API5: variants seen among roughly 807,000 people sequenced by gnomAD.
The protein encoded by API5 is apoptosis inhibitor 5, also known as FIF.
API5 carries 6 observed loss-of-function variants against 71.9 expected under a neutral mutation model. The ratio of observed to expected loss-of-function variants is 0.08; its 90% CI spans 0.05 to 0.16. The LOEUF (loss-of-function observed/expected upper bound fraction) is 0.16, where lower values mean the gene tolerates loss of function less well. Ranked by LOEUF, API5 falls within the 10% of genes least tolerant of loss-of-function variation. API5 has a pLI of 1.00. For synonymous variants in API5, 189 were observed against 221.3 expected, an observed-to-expected ratio of 0.85 and a Z score of 1.30; for missense variants, 332 against 612.8, an observed-to-expected ratio of 0.54 and a Z score of 4.84.
At position 43,327,849 on chromosome 11, in the gene API5, A is replaced by T. The variant is rs1361519564; in HGVS notation, c.916A>T (p.Asn306Tyr). ...TGGTGACATGGAAAAACTAGAAACA[A>T]ATTTAAGGAAACTATTTGATAAGTT... ...FCGDMEKLET[N>Y]LRKLFDKLLE... The change falls in exon 8 of 14, where the codon AAT becomes TAT. Residue 306 changes from asparagine to tyrosine, a missense_variant. By Grantham distance (143) the Asn-to-Tyr change is moderately radical. Coordinates refer to ENST00000531273, the MANE Select transcript of API5 (RefSeq NM_001142930.2). 2 of 1,612,550 alleles carry T rather than the reference A, an allele frequency of 1.2e-6. No individual in the cohort carries two copies. Among genetic ancestry groups the T allele is most frequent in the African/African-American group, 1.3e-5 (1 of 74,870 alleles).
At chr11:43,317,319 T>TA (rs1376332616) in intron 1 of API5, among the ~76,000 whole-genome samples, 1 of 152,202 alleles carries the variant, frequency 6.6e-6, no homozygotes, top group African/African-American at 2.4e-5. Flanking sequence ...GGCAAGTACT[T>TA]AAGGAGGATT....
chr11:43,324,831 C>T (rs890151205), intron 6 of API5, among the ~76,000 whole-genome samples: 3 of 152,132 alleles, frequency 2.0e-5, no homozygotes, highest in African/African-American at 7.2e-5. Context: ...GCAAGCACCA[C>T]CACACCCAGC....
At chr11:43,323,390 A>T (rs773574203) in intron 5 of API5, 40 bp from the exon 6 acceptor site, 67 of 1,528,542 alleles carry the variant, frequency 4.4e-5, no homozygotes, top group Non-Finnish European at 5.8e-5. Flanking sequence ...TCCCATTCAA[A>T]TGATGAACAT....
At chr11:43,313,186 C>A (rs544756116) in intron 1 of API5, among the ~76,000 whole-genome samples, 1 of 151,566 alleles carries the variant, frequency 6.6e-6, no homozygotes, top group Non-Finnish European at 1.5e-5. Context: ...CAGGGCTGGG[C>A]GAAGGAGAGT....
Position 43,323,580 on chromosome 11 carries a change from C to G in API5, c.694C>G (p.Pro232Ala). The G allele has an allele frequency of 6.2e-7, 1 of 1,614,112 alleles. No homozygotes were observed. The highest frequency in any genetic ancestry group is 8.5e-7 in the Non-Finnish European group (1 of 1,179,962). The change falls in exon 6 of 14, where the codon CCT (proline) becomes GCT (alanine). Residue 232 changes from proline to alanine, a missense_variant. Around this residue, in one of 3 missense-constraint regions of API5, gnomAD observed 37 missense variants for 31.3 expected, o/e 1.18. Transcript: ENST00000531273. ...AGAACAGACCTTCAATCCCTCGGAT[C>G]CTGACTGTGTGGACAGGCTCTTACA... Reference protein sequence around the residue: ...DLEQTFNPSDPDCVDRLLQCT... With the variant: ...DLEQTFNPSDADCVDRLLQCT...
chr11:43,322,254 A>G (rs1315389817), intron 5 of API5, 118 bp downstream of exon 5: 4 of 960,034 alleles, frequency 4.2e-6, no homozygotes, highest in Non-Finnish European at 5.8e-6. Flanking sequence ...CATATATCCC[A>G]TTGGAACCAC....
chr11:43,332,079 T>C (rs1855276601), intron 11 of API5: 1 of 152,198 alleles, frequency 6.6e-6, no homozygotes, highest in African/African-American at 2.4e-5. Context: ...CAAGAATCTG[T>C]AAGTTATCTA....
At chr11:43,325,336 GAA>G (rs1855035013) in intron 6 of API5, among the ~76,000 whole-genome samples, 1 of 152,140 alleles carries the variant, frequency 6.6e-6, no homozygotes, top group African/African-American at 2.4e-5. Flanking sequence ...GATGCTTTAT[GAA>G]AAGTTTATGG....
At chr11:43,315,573 A>G (rs1854640845) in intron 1 of API5, among the ~76,000 whole-genome samples, 1 of 152,164 alleles carries the variant, frequency 6.6e-6, no homozygotes. Flanking sequence ...TCATACACAC[A>G]CACATACATA....
chr11:43,327,711 AATCGTT>A, intron 7 of API5, 72 bp from the exon 8 acceptor site: 1 of 1,032,738 alleles, frequency 9.7e-7, no homozygotes, highest in Non-Finnish European at 1.4e-6. Context: ...TAAAGTCTTA[AATCGTT>A]ATCTAGAATT....
At chr11:43,330,122 TGG>T (rs1476000492) in intron 10 of API5, 64 bp downstream of exon 10, 9 of 1,332,110 alleles carry the variant, frequency 6.8e-6, no homozygotes, top group Middle Eastern at 3.6e-4. Flanking sequence ...AGACTTGTGT[TGG>T]GAGTTTTTCA....
chr11:43,336,352 A>G (rs554190484), intron 13 of API5: 31 of 303,412 alleles, frequency 1.0e-4, no homozygotes, highest in East Asian at 6.7e-4. Context: ...AGGGATGGGT[A>G]TAGCTTCTGA....
Position 43,321,459 on chromosome 11 carries a change from T to A in API5, c.374T>A (p.Phe125Tyr). The stretch of plus-strand genomic sequence containing the variant: ...GTGAACAATGCCCTATTAAGTATAT[T>A]TAAAATGGATGCAAAAGGTAAGGCC... ...NLVNNALLSI[F>Y]KMDAKGTLGG... Residue 125 changes from phenylalanine (F) to tyrosine (Y), a missense_variant, in exon 4 of 14, where the codon TTT becomes TAT. Phe to Tyr is a conservative substitution (Grantham distance 22). Transcript: ENST00000531273. 1.2e-6 allele frequency: 2 copies of A among 1,610,524 alleles called. No homozygotes were observed. The highest frequency in any genetic ancestry group is 1.7e-6 in the Non-Finnish European group (2 of 1,177,806).
rs1855671140 is a variant in API5 at position 43,342,944 on chromosome 11, ATTTTG to A, written c.*439_*443del. The A allele has an allele frequency of 5.9e-6, 2 of 338,606 alleles. No individual in the cohort carries two copies. Among genetic ancestry groups the A allele is most frequent in the Non-Finnish European group, 1.1e-5 (2 of 188,082 alleles). 21.0% of individuals were successfully genotyped at this position (338,606 alleles called of 1,614,324 possible). A position where few individuals can be genotyped will look rare whatever the true frequency, so the allele number is the denominator to read the frequency against. On this transcript the variant is annotated 3_prime_UTR_variant, in exon 14 of 14. Coordinates refer to ENST00000531273, the MANE Select transcript of API5 (RefSeq NM_001142930.2). ...GAGAAGAGTAATGGTCAATCTTAAC[ATTTTG>A]TTTTAATTGTTTAATAAAGCTGCTG... is the stretch of plus-strand genomic sequence containing the variant.
rs1306618725 is a variant in API5, at chr11:43,344,454, A to C, written c.*1944A>C. 1.3e-5 allele frequency: 2 copies of C among 152,604 alleles called. No homozygotes were observed. Among genetic ancestry groups the C allele is most frequent in the African/African-American group, 4.8e-5 (2 of 41,426 alleles). 9.5% of individuals were successfully genotyped at this position (152,604 alleles called of 1,614,324 possible). A position where few individuals can be genotyped will look rare whatever the true frequency, so the allele number is the denominator to read the frequency against. ...AATGCCATGGATTTTTTTCTTTTGC[A>C]AGACACCTGTTTATCATCTTGTTTA... On this transcript the variant is annotated 3_prime_UTR_variant, in exon 14 of 14. Coordinates refer to ENST00000531273, the MANE Select transcript of API5 (RefSeq NM_001142930.2).
chr11:43,325,524 C>T (rs1428152947), intron 6 of API5, among the ~76,000 whole-genome samples: 2 of 152,146 alleles, frequency 1.3e-5, no homozygotes, highest in Admixed American at 6.5e-5. Context: ...CCAACATCAT[C>T]GATATCTCAG....
intron 6 of API5, among the ~76,000 whole-genome samples, chr11:43,326,190 G>A (rs1855066103): frequency 6.6e-6 from 1 of 152,142 alleles, no homozygotes; most frequent in African/African-American, 2.4e-5. Context: ...AAGTTCCCAG[G>A]ACCCTCAGTT....
intron 5 of API5, among the ~76,000 whole-genome samples, chr11:43,322,593 A>G (rs1359766321): frequency 6.6e-6 from 1 of 152,236 alleles, no homozygotes; most frequent in Non-Finnish European, 1.5e-5. Flanking sequence ...AGCATCTAGC[A>G]TAGTTGTAGA....
intron 1 of API5, chr11:43,318,334 C>T: frequency 8.0e-7 from 1 of 1,257,510 alleles, no homozygotes. Context: ...AAGCATGATA[C>T]AGTCACATGG....
Sources: allele counts gnomAD v4.1 joint callset (sites outside exome capture counted in the v4.1 genomes callset), GRCh38; gene constraint gnomAD v4.1.1; regional missense constraint gnomAD v4.1.1; transcripts MANE v1.5; gene names NCBI Gene and HGNC (gene_info 2026-07-23, HGNC 2026-07-21).